CAPN3: variants seen among roughly 807,000 people sequenced by gnomAD.
The protein encoded by CAPN3 is calpain 3, also known as calpain-3.
In CAPN3, 88 loss-of-function variants were observed where a neutral mutation model predicts 114.0. The observed-to-expected ratio is 0.77, with a 90% CI of 0.65 to 0.92. CAPN3 has a LOEUF of 0.92. Ranked by LOEUF, CAPN3 falls within the 40% of genes least tolerant of loss-of-function variation. The pLI, the probability that CAPN3 is intolerant of heterozygous loss-of-function variation, is 0.00. For missense variants in CAPN3, 1,028 were observed against 1,069.0 expected, an observed-to-expected ratio of 0.96 and a Z score of 0.53; for synonymous variants, 386 against 382.9, an observed-to-expected ratio of 1.01 and a Z score of -0.09.
In CAPN3 at chr15:42,372,629, C is replaced by G. The variant is rs554560663; in HGVS notation, c.310-11854C>G. Among the ~76,000 whole-genome samples the G allele has an allele frequency of 4.6e-5, 7 of 152,270 alleles. No individual in the cohort carries two copies. In the East Asian group the frequency reaches 1.4e-3, roughly 29 times the overall value. ...TTGGGAGGCCGAAGCAGGCGGATTA[C>G]CTGAAGTCAGGACTTCAAGACTAGC... On this transcript the variant is annotated intron_variant, in intron 1 of 23. Coordinates refer to ENST00000397163, the MANE Select transcript of CAPN3 (RefSeq NM_000070.3).
rs1394494343 is a variant in CAPN3, at chr15:42,366,524, C to T, written c.309+6410C>T. ...TTAAATTTATTTCGCCAAATGTGCT[C>T]ACTTTCTGAACCCTTAACATGGCAG... On this transcript the variant is annotated intron_variant, in intron 1 of 23. Transcript: ENST00000397163. Among the ~76,000 whole-genome samples, 3 of 152,334 alleles carry T rather than the reference C, an allele frequency of 2.0e-5. No individual in the cohort carries two copies. In the East Asian group the frequency reaches 5.8e-4, roughly 29 times the overall value.
At chr15:42,389,806 C>T (rs1228540450) in intron 5 of CAPN3, 147 bp from the exon 6 acceptor site, 16 of 884,358 alleles carry the variant, frequency 1.8e-5, no homozygotes, top group East Asian at 7.9e-5. Context: ...CACTTTTCTC[C>T]GTCTTTCCTC....
chr15:42,408,247 A>G lies in CAPN3; in HGVS notation c.1837A>G (p.Lys613Glu). The G allele has an allele frequency of 1.2e-6, 2 of 1,613,764 alleles. No individual in the cohort carries two copies. Among genetic ancestry groups the G allele is most frequent in the African/African-American group, 1.3e-5 (1 of 75,012 alleles). ...CGTTTCGGACAGAGCAAACAGCAAC[A>G]AGGAGCTGGGTGTGGACCAGGAGTC... ...IFVSDRANSN[K>E]ELGVDQESEE... The change falls in exon 16 of 24, where the codon AAG (lysine) becomes GAG (glutamate). Residue 613 changes from lysine (K) to glutamate (E), a missense_variant. By Grantham distance (56) the Lys-to-Glu change is moderately conservative. Transcript: ENST00000397163.
intron 1 of CAPN3, among the ~76,000 whole-genome samples, chr15:42,370,357 A>C (rs974875166): frequency 2.6e-5 from 4 of 152,140 alleles, no homozygotes; most frequent in South Asian, 4.1e-4. Flanking sequence ...TTGGCACACA[A>C]AAAAAAGTTA....
rs546534693 is a variant in CAPN3 at position 42,383,590 on chromosome 15, C to T, written c.310-893C>T. Among the ~76,000 whole-genome samples the T allele has an allele frequency of 3.0e-3, 462 of 152,084 alleles. 1 individual carries two copies. Among genetic ancestry groups the T allele is most frequent in the Middle Eastern group, 6.8e-3 (2 of 292 alleles). On this transcript the variant is annotated intron_variant, in intron 1 of 23. Coordinates refer to ENST00000397163, the MANE Select transcript of CAPN3 (RefSeq NM_000070.3). The stretch of plus-strand genomic sequence containing the variant: ...TGTCGCCCACTGCACTCCAGCCTGG[C>T]GACACAGTGAGACTCTGTCTCAAAA...
In CAPN3 at chr15:42,359,544, G is replaced by A; in HGVS notation, c.-262G>A. The A allele has an allele frequency of 7.5e-7, 1 of 1,341,568 alleles. No individual in the cohort carries two copies. Among genetic ancestry groups the A allele is most frequent in the Non-Finnish European group, 9.6e-7 (1 of 1,044,148 alleles). The allele number at this position is 1,341,568 out of a possible 1,614,324, so 83.1% of individuals were successfully genotyped here. On this transcript the variant is annotated 5_prime_UTR_variant, in exon 1 of 24. Transcript: ENST00000397163. Reference sequence around the variant, plus strand: ...TCTGGCATGCATGCTGCTGGTAGGAGACCCCCAAGTCAACATTGCTTCAGA... The same window carrying A: ...TCTGGCATGCATGCTGCTGGTAGGAAACCCCCAAGTCAACATTGCTTCAGA...
chr15:42,370,681 C>T (rs2052920508), intron 1 of CAPN3, among the ~76,000 whole-genome samples: 1 of 152,072 alleles, frequency 6.6e-6, no homozygotes, highest in Admixed American at 6.6e-5. Context: ...AACACTGACT[C>T]GGCCACTAGC....
chr15:42,387,367 A>G (rs916639060), intron 3 of CAPN3, among the ~76,000 whole-genome samples: 2 of 152,192 alleles, frequency 1.3e-5, no homozygotes, highest in Non-Finnish European at 2.9e-5. Flanking sequence ...TTCACTGCAT[A>G]GTTCCCAATC....
chr15:42,405,131 A>G (rs1292486564), intron 14 of CAPN3, among the ~76,000 whole-genome samples: 1 of 152,134 alleles, frequency 6.6e-6, no homozygotes, highest in Non-Finnish European at 1.5e-5. Context: ...TGCCGCAGGG[A>G]TTACAGGCCC....
intron 6 of CAPN3, among the ~76,000 whole-genome samples, chr15:42,391,593 A>G (rs1056062951): frequency 6.6e-6 from 1 of 152,176 alleles, no homozygotes; most frequent in Non-Finnish European, 1.5e-5. Flanking sequence ...GGCTCCGGGA[A>G]GCTCCTTTTA....
rs28364440 is a variant in CAPN3 at position 42,392,452 on chromosome 15, G to A, written c.946-187G>A. ...TCTCAGGGAGACCAGCCTGTCTGGA[G>A]CTGTGTCTCTTGGCACTCTTAAAGG... On this transcript the variant is annotated intron_variant, in intron 6 of 23. Transcript: ENST00000397163. 0.011 allele frequency among the ~76,000 whole-genome samples: 1,604 copies of A among 152,322 alleles called. 33 individuals are homozygous for A. The highest frequency in any genetic ancestry group is 0.037 in the African/African-American group (1,545 of 41,570).
intron 1 of CAPN3, among the ~76,000 whole-genome samples, chr15:42,369,405 G>A (rs1341197196): frequency 2.0e-5 from 3 of 152,090 alleles, no homozygotes; most frequent in Admixed American, 6.5e-5. Flanking sequence ...GGGAGGCTGA[G>A]GTGGGAGGAT....
rs1241826724 is a variant in CAPN3, at chr15:42,404,492, A to T, written c.1782+715A>T. 10 of 455,764 alleles carry T rather than the reference A, an allele frequency of 2.2e-5. No individual in the cohort carries two copies. The East Asian group carries it at 7.0e-4, about 32-fold the overall frequency. 28.2% of individuals were successfully genotyped at this position (455,764 alleles called of 1,614,324 possible). ...GGGGTTGAATGACTTCTCTGAGTTC[A>T]CAGAGCTCAGTAAGTGGCAGGGTTG... On this transcript the variant is annotated intron_variant, in intron 14 of 23. Coordinates refer to ENST00000397163, the MANE Select transcript of CAPN3 (RefSeq NM_000070.3).
At chr15:42,405,485 A>AT (rs2053993045) in intron 14 of CAPN3, among the ~76,000 whole-genome samples, 1 of 151,800 alleles carries the variant, frequency 6.6e-6, no homozygotes, top group African/African-American at 2.4e-5. Flanking sequence ...TAATTTTTGT[A>AT]TTTTTTAGTC....
chr15:42,406,011 G>T, intron 15 of CAPN3, 68 bp downstream of exon 15: 1 of 1,346,620 alleles, frequency 7.4e-7, no homozygotes, highest in South Asian at 1.2e-5. Flanking sequence ...CATGTGAAGT[G>T]TGCATGTGTG....
chr15:42,367,850 A>C (rs925546885), intron 1 of CAPN3, among the ~76,000 whole-genome samples: 5 of 152,168 alleles, frequency 3.3e-5, no homozygotes, highest in African/African-American at 9.7e-5. Context: ...AAACAGAGAT[A>C]GGAGTCTCAC....
intron 14 of CAPN3, 81 bp from the exon 15 acceptor site, chr15:42,405,845 C>T (rs2054003860): frequency 8.0e-6 from 9 of 1,130,120 alleles, no homozygotes; most frequent in African/African-American, 1.5e-5. Flanking sequence ...GACCAGGATA[C>T]AGGGAAGCCA....
chr15:42,369,797 A>T (rs900105435), intron 1 of CAPN3, among the ~76,000 whole-genome samples: 9 of 152,118 alleles, frequency 5.9e-5, no homozygotes, highest in African/African-American at 2.2e-4. Flanking sequence ...GAAAGGGCAT[A>T]AGATTGAGAG....
chr15:42,359,681 G>A lies in CAPN3; in HGVS notation c.-125G>A. ...CTGATGGGCTTTCAACTTTGAACTG[G>A]ATGTGGACACTTTTCTCTCAGATGA... On this transcript the variant is annotated 5_prime_UTR_variant, in exon 1 of 24. Coordinates refer to ENST00000397163, the MANE Select transcript of CAPN3 (RefSeq NM_000070.3). 6.4e-7 allele frequency: 1 copy of A among 1,562,088 alleles called. No individual in the cohort carries two copies. The highest frequency in any genetic ancestry group is 1.2e-5 in the South Asian group (1 of 81,908).
Sources: allele counts gnomAD v4.1 joint callset (sites outside exome capture counted in the v4.1 genomes callset), GRCh38; gene constraint gnomAD v4.1.1; transcripts MANE v1.5; gene names NCBI Gene and HGNC (gene_info 2026-07-23, HGNC 2026-07-21).